The following PKIB variants were observed in gnomAD, a reference collection of about 807,000 sequenced individuals.
PKIB encodes the protein cAMP-dependent protein kinase inhibitor beta, also known as PKI-beta.
A neutral mutation model predicts 4.5 loss-of-function variants in PKIB; 2 were observed. The observed-to-expected ratio is 0.44, with a 90% CI of 0.18 to 1.39. The LOEUF is 1.39. Ranked by LOEUF, PKIB falls within the 40% of genes most tolerant of loss-of-function variation. The probability of loss-of-function intolerance (pLI) is 0.27; values close to 1 mark genes in which losing one functional copy is unlikely to be tolerated. For missense variants in PKIB, 94 were observed against 92.6 expected (o/e 1.02, Z -0.06); for synonymous variants, 38 against 36.0 (o/e 1.06, Z -0.20).
intron 2 of PKIB, among the ~76,000 whole-genome samples, chr6:122,642,940 C>T (rs1776175714): frequency 6.6e-6 from 1 of 152,036 alleles, no homozygotes; most frequent in African/African-American, 2.4e-5. Flanking sequence ...TTTTAAACTT[C>T]TAAACTAGTA....
intron 2 of PKIB, among the ~76,000 whole-genome samples, chr6:122,513,666 C>T (rs1776655299): frequency 6.6e-6 from 1 of 152,006 alleles, no homozygotes; most frequent in South Asian, 2.1e-4. Context: ...TGTTTATTGT[C>T]CCGATCTTTA....
intron 2 of PKIB, among the ~76,000 whole-genome samples, chr6:122,523,011 C>G (rs1310698462): frequency 6.6e-6 from 1 of 152,182 alleles, no homozygotes; most frequent in African/African-American, 2.4e-5. Context: ...GTTAGGACAT[C>G]CAATACTATG....
chr6:122,640,334 T>C (rs1250876851), intron 2 of PKIB, among the ~76,000 whole-genome samples: 1 of 152,198 alleles, frequency 6.6e-6, no homozygotes, highest in Admixed American at 6.5e-5. Flanking sequence ...GCTAAACATA[T>C]ACAACATTAG....
intron 2 of PKIB, among the ~76,000 whole-genome samples, chr6:122,532,178 T>C (rs1359795239): frequency 2.0e-5 from 3 of 152,124 alleles, no homozygotes; most frequent in Non-Finnish European, 4.4e-5. Context: ...TTAACTAAGG[T>C]GAAATGAGAA....
At chr6:122,578,299 A>T (rs1773607915) in intron 2 of PKIB, among the ~76,000 whole-genome samples, 1 of 152,164 alleles carries the variant, frequency 6.6e-6, no homozygotes, top group Non-Finnish European at 1.5e-5. Flanking sequence ...TAAGTTTGCT[A>T]CTTACATGAA....
intron 1 of PKIB, among the ~76,000 whole-genome samples, 181 bp downstream of exon 1, chr6:122,610,716 G>C (rs1311258948): frequency 6.6e-6 from 1 of 152,244 alleles, no homozygotes; most frequent in Non-Finnish European, 1.5e-5. Context: ...TCGCTTGGGC[G>C]ACCCGATCCA....
At chr6:122,701,851 C>T (rs1222550753) in intron 3 of PKIB, among the ~76,000 whole-genome samples, 2 of 152,130 alleles carry the variant, frequency 1.3e-5, no homozygotes, top group African/African-American at 4.8e-5. Context: ...GTTTACTGGT[C>T]ATACATACCA....
chr6:122,683,567 G>A (rs969486931), intron 3 of PKIB, among the ~76,000 whole-genome samples: 1 of 152,260 alleles, frequency 6.6e-6, no homozygotes, highest in Admixed American at 6.5e-5. Flanking sequence ...ACGTCAATGA[G>A]TACAACTTTG....
intron 2 of PKIB, among the ~76,000 whole-genome samples, chr6:122,511,047 A>T (rs1776570446): frequency 6.6e-6 from 1 of 152,018 alleles, no homozygotes; most frequent in Non-Finnish European, 1.5e-5. Flanking sequence ...TTTTGTTAGT[A>T]CTTAGTAGAC....
chr6:122,586,372 A>AT, intron 3 of PKIB, among the ~76,000 whole-genome samples: 2 of 152,250 alleles, frequency 1.3e-5, no homozygotes, highest in Non-Finnish European at 2.9e-5. Flanking sequence ...ATTTTCTATA[A>AT]TTTATTCCCA....
chr6:122,489,984 C>CA (rs1231827301), intron 2 of PKIB, among the ~76,000 whole-genome samples: 1 of 151,994 alleles, frequency 6.6e-6, no homozygotes, highest in Non-Finnish European at 1.5e-5. Context: ...TCTGTGTATA[C>CA]AAAAAAATGT....
chr6:122,717,446 A>C (rs541944064), intron 3 of PKIB: 1 of 337,878 alleles, frequency 3.0e-6, no homozygotes, highest in African/African-American at 2.1e-5. Flanking sequence ...TGGTCAAAAA[A>C]GTCAGTTTTC....
intron 3 of PKIB, among the ~76,000 whole-genome samples, chr6:122,695,796 A>C (rs1456297248): frequency 6.6e-6 from 1 of 152,166 alleles, no homozygotes; most frequent in Non-Finnish European, 1.5e-5. Flanking sequence ...CAAGTTTCTT[A>C]ATATCTAAAA....
intron 2 of PKIB, among the ~76,000 whole-genome samples, chr6:122,528,598 C>G (rs547795629): frequency 6.6e-6 from 1 of 152,180 alleles, no homozygotes; most frequent in East Asian, 1.9e-4. Flanking sequence ...CTTATAAGAA[C>G]GTTAATCTGT....
chr6:122,484,735 A>G (rs1013575757), intron 2 of PKIB, among the ~76,000 whole-genome samples: 3 of 152,310 alleles, frequency 2.0e-5, no homozygotes, highest in Admixed American at 2.0e-4. Flanking sequence ...ACAACATATC[A>G]CATCCCGTGG....
At chr6:122,641,258 C>A (rs1776110211) in intron 2 of PKIB, among the ~76,000 whole-genome samples, 2 of 152,120 alleles carry the variant, frequency 1.3e-5, no homozygotes, top group Non-Finnish European at 2.9e-5. Context: ...ATATATAGTT[C>A]TAGCTCTGTT....
intron 2 of PKIB, among the ~76,000 whole-genome samples, chr6:122,500,766 C>G (rs1776208011): frequency 6.6e-6 from 1 of 152,100 alleles, no homozygotes; most frequent in Non-Finnish European, 1.5e-5. Flanking sequence ...AGAAAAGAGG[C>G]TTAATTAACT....
intron 4 of PKIB, among the ~76,000 whole-genome samples, chr6:122,721,512 A>C (rs1201474365): frequency 4.6e-5 from 7 of 152,012 alleles, no homozygotes; most frequent in Non-Finnish European, 8.8e-5. Flanking sequence ...AACATACAAC[A>C]TTTTTTTCTC....
At chr6:122,633,929 C>CATAT (rs1775798442) in intron 2 of PKIB, among the ~76,000 whole-genome samples, 1 of 145,868 alleles carries the variant, frequency 6.9e-6, no homozygotes, top group South Asian at 2.2e-4. Context: ...AGATATCTGT[C>CATAT]CTATCTATCT....
Sources: gnomAD v4.1 joint callset for allele counts (sites outside exome capture counted in the v4.1 genomes callset) on GRCh38, gnomAD v4.1.1 for gene constraint, MANE v1.5 for transcripts, NCBI Gene and HGNC (gene_info 2026-07-23, HGNC 2026-07-21) for gene names.